BABAM2: variants seen among roughly 807,000 people sequenced by gnomAD.
BABAM2 encodes BRISC and BRCA1 A complex member 2, also known as BRISC and BRCA1-A complex member 2.
In BABAM2, 31 loss-of-function variants were observed where a neutral mutation model predicts 54.7. That is an observed-to-expected ratio of 0.57 (90% CI 0.43 to 0.77). The LOEUF is 0.77. Ranked by LOEUF, BABAM2 falls within the 30% of genes least tolerant of loss-of-function variation. The pLI, the probability that BABAM2 is intolerant of heterozygous loss-of-function variation, is 0.00. For synonymous variants in BABAM2, 167 were observed against 162.9 expected, an observed-to-expected ratio of 1.03 and a Z score of -0.19; for missense variants, 364 against 455.8, an observed-to-expected ratio of 0.80 and a Z score of 1.83.
At chr2:28,199,814 T>C (rs186789800) in intron 7 of BABAM2, among the ~76,000 whole-genome samples, 1 of 152,300 alleles carries the variant, frequency 6.6e-6, no homozygotes, top group East Asian at 1.9e-4. Flanking sequence ...GGAGCCATTG[T>C]TGACAGGTAT....
intron 7 of BABAM2, among the ~76,000 whole-genome samples, chr2:28,192,117 C>A (rs187484548): frequency 5.9e-5 from 9 of 152,280 alleles, no homozygotes; most frequent in African/African-American, 1.9e-4. Context: ...TCTCTGCAAG[C>A]TCCGCCTCCT....
intron 7 of BABAM2, among the ~76,000 whole-genome samples, chr2:28,153,097 C>G (rs1434718394): frequency 6.6e-6 from 1 of 151,766 alleles, no homozygotes; most frequent in African/African-American, 2.4e-5. Context: ...ATTAACACCT[C>G]ATAGCATTTC....
chr2:28,017,678 T>TC (rs1368735803), intron 4 of BABAM2, among the ~76,000 whole-genome samples: 1 of 152,174 alleles, frequency 6.6e-6, no homozygotes, highest in East Asian at 1.9e-4. Context: ...GTCCTCATTT[T>TC]CCCCCAAGTC....
chr2:28,073,182 TG>T (rs1423525248), intron 6 of BABAM2, among the ~76,000 whole-genome samples: 1 of 152,154 alleles, frequency 6.6e-6, no homozygotes, highest in Non-Finnish European at 1.5e-5. Flanking sequence ...CCTTAACTAT[TG>T]TCCTTTTTTC....
At position 28,045,892 on chromosome 2, in the gene BABAM2, T is replaced by A. The variant is rs1677520414; in HGVS notation, c.570+93T>A. 7 of 997,034 alleles carry A rather than the reference T, an allele frequency of 7.0e-6. No individual in the cohort carries two copies. The South Asian group carries it at 1.4e-4, about 20-fold the overall frequency. 61.8% of individuals were successfully genotyped at this position (997,034 alleles called of 1,614,324 possible). On this transcript the variant is annotated intron_variant, in intron 6 of 11. Transcript: ENST00000379624. ...TTGTATGACTGGTTTGTCAGCATTT[T>A]GTTCAGATGATGAATTCTATTAAAA...
chr2:27,997,743 A>G (rs1319588419), intron 4 of BABAM2, among the ~76,000 whole-genome samples: 1 of 152,190 alleles, frequency 6.6e-6, no homozygotes, highest in Non-Finnish European at 1.5e-5. Context: ...TTGAAATCCA[A>G]TGGCAAATAT....
At chr2:28,007,321 A>G (rs1319018211) in intron 4 of BABAM2, among the ~76,000 whole-genome samples, 3 of 152,122 alleles carry the variant, frequency 2.0e-5, no homozygotes, top group Non-Finnish European at 4.4e-5. Flanking sequence ...CGTTAAATTT[A>G]TAATGTATAT....
intron 7 of BABAM2, among the ~76,000 whole-genome samples, chr2:28,145,702 G>T (rs1251200915): frequency 6.6e-6 from 1 of 152,090 alleles, no homozygotes. Flanking sequence ...CCCCAGAAAA[G>T]ATATCCCACA....
intron 6 of BABAM2, among the ~76,000 whole-genome samples, chr2:28,048,324 A>G (rs1399028622): frequency 6.6e-6 from 1 of 152,228 alleles, no homozygotes; most frequent in Non-Finnish European, 1.5e-5. Context: ...TGAAAAAGCC[A>G]TTCAATATTC....
At chr2:28,252,847 G>T (rs1236961769) in intron 10 of BABAM2, among the ~76,000 whole-genome samples, 3 of 152,178 alleles carry the variant, frequency 2.0e-5, no homozygotes, top group African/African-American at 4.8e-5. Flanking sequence ...TCAAAGAAAG[G>T]TCTTGAAAAA....
At chr2:27,918,873 A>G (rs1165065800) in intron 2 of BABAM2, among the ~76,000 whole-genome samples, 1 of 152,020 alleles carries the variant, frequency 6.6e-6, no homozygotes, top group Non-Finnish European at 1.5e-5. Flanking sequence ...TATTTTTTGT[A>G]GAGACAGGGT....
At chr2:27,936,511 C>A (rs1287849102) in intron 3 of BABAM2, among the ~76,000 whole-genome samples, 2 of 152,224 alleles carry the variant, frequency 1.3e-5, no homozygotes, top group East Asian at 1.9e-4. Flanking sequence ...ATGTTTATTG[C>A]GGCACTATTC....
At chr2:28,112,585 A>G (rs935125905) in intron 6 of BABAM2, among the ~76,000 whole-genome samples, 3 of 151,802 alleles carry the variant, frequency 2.0e-5, no homozygotes, top group Admixed American at 2.0e-4. Context: ...TATATGCCAT[A>G]TTTTCTTTTT....
intron 7 of BABAM2, among the ~76,000 whole-genome samples, chr2:28,176,691 AT>A (rs1675026923): frequency 6.6e-6 from 1 of 151,158 alleles, no homozygotes; most frequent in Non-Finnish European, 1.5e-5. Flanking sequence ...AGAGATAGAT[AT>A]CCTTAAAAAG....
intron 11 of BABAM2, among the ~76,000 whole-genome samples, chr2:28,313,168 AG>A (rs1689231250): frequency 6.6e-6 from 1 of 152,224 alleles, no homozygotes; most frequent in African/African-American, 2.4e-5. Context: ...GGGAAAACCC[AG>A]GGTGTTTGTG....
chr2:28,164,589 G>T (rs928326876), intron 7 of BABAM2, among the ~76,000 whole-genome samples: 1 of 149,078 alleles, frequency 6.7e-6, no homozygotes, highest in Non-Finnish European at 1.5e-5. Flanking sequence ...GCCTTTGCTT[G>T]TTTTGTTTTG....
At chr2:28,044,528 G>A (rs1677406465) in intron 5 of BABAM2, among the ~76,000 whole-genome samples, 1 of 152,224 alleles carries the variant, frequency 6.6e-6, no homozygotes, top group African/African-American at 2.4e-5. Context: ...ACCATGCCCG[G>A]GCAAGGGCCA....
chr2:28,246,358 T>C (rs1320320179), intron 10 of BABAM2, among the ~76,000 whole-genome samples: 1 of 152,248 alleles, frequency 6.6e-6, no homozygotes, highest in Non-Finnish European at 1.5e-5. Context: ...CTGTATTCAC[T>C]TTACCTTACG....
At chr2:28,174,392 C>T (rs888939316) in intron 7 of BABAM2, among the ~76,000 whole-genome samples, 9 of 152,200 alleles carry the variant, frequency 5.9e-5, no homozygotes, top group East Asian at 3.8e-4. Flanking sequence ...GCTGACTAGA[C>T]GCATCCGGCA....
Sources: allele counts gnomAD v4.1 joint callset (sites outside exome capture counted in the v4.1 genomes callset), GRCh38; gene constraint gnomAD v4.1.1; transcripts MANE v1.5; gene names NCBI Gene and HGNC (gene_info 2026-07-23, HGNC 2026-07-21).